The following SCART1 variants were observed in gnomAD, a reference collection of about 807,000 sequenced individuals.
SCART1 encodes the protein scavenger receptor cysteine-rich domain-containing protein SCART1.
SCART1 carries 62 observed loss-of-function variants against 36.2 expected under a neutral mutation model. The observed-to-expected ratio is 1.71, with a 90% CI of 1.40 to 2.12. The LOEUF (loss-of-function observed/expected upper bound fraction) is 2.12. Among genes scored for constraint, SCART1 ranks in the 30% most tolerant of loss-of-function variants. SCART1 has a pLI of 0.00. For missense variants in SCART1, 1,041 were observed against 540.5 expected (o/e 1.93, Z -9.18); for synonymous variants, 487 against 238.7 (o/e 2.04, Z -9.59).
Position 133,459,332 on chromosome 10 carries a change from T to C in SCART1, c.1285+6T>C. On this transcript the variant is annotated splice_donor_region_variant and intron_variant, in intron 5 of 11. Coordinates refer to ENST00000640237, the Ensembl canonical transcript of SCART1. Reference sequence around the variant, plus strand: ...AGCCTCCGCGGTCTGCTCAGGTGGGTGCAGCCAGGACGGTGGACCAGGAGG... The same window carrying C: ...AGCCTCCGCGGTCTGCTCAGGTGGGCGCAGCCAGGACGGTGGACCAGGAGG... The C allele has an allele frequency of 1.6e-6, 1 of 632,406 alleles. No homozygotes were observed. The highest frequency in any genetic ancestry group is 2.9e-6 in the Non-Finnish European group (1 of 348,876). The allele number at this position is 632,406 out of a possible 1,614,324, so 39.2% of individuals were successfully genotyped here. A position where few individuals can be genotyped will look rare whatever the true frequency, so the allele number is the denominator to read the frequency against.
In SCART1 at chr10:133,459,345, G is replaced by A. The variant is rs1411517129; in HGVS notation, c.1285+19G>A. ...TGCTCAGGTGGGTGCAGCCAGGACG[G>A]TGGACCAGGAGGGTGAGTGAGAGGC... On this transcript the variant is annotated intron_variant, in intron 5 of 11. Transcript: ENST00000640237. 6.4e-6 allele frequency: 4 copies of A among 623,854 alleles called. No individual in the cohort carries two copies. Among genetic ancestry groups the A allele is most frequent in the Non-Finnish European group, 8.7e-6 (3 of 345,220 alleles). The allele number at this position is 623,854 out of a possible 1,614,324, so 38.6% of individuals were successfully genotyped here.
intron 10 of SCART1, 85 bp downstream of exon 10, chr10:133,466,466 G>A: frequency 1.5e-6 from 1 of 653,132 alleles, no homozygotes; most frequent in Non-Finnish European, 2.8e-6. Context: ...TGGGGTCTGG[G>A]CAGGCGGGGT....
At position 133,466,273 on chromosome 10, in the gene SCART1, C is replaced by T. The variant is rs533549060; in HGVS notation, c.2698C>T (p.Arg900Trp). Residue 900 changes from arginine to tryptophan, a missense_variant, in exon 10 of 12, where the codon CGG becomes TGG. By Grantham distance (101) the Arg-to-Trp change is moderately radical (BLOSUM62 -3). Coordinates refer to ENST00000640237, the Ensembl canonical transcript of SCART1. ...CCCCCCACTGCCTGCAGCTCCCTTC[C>T]GGACATTCTGGGTGGTCAGTGTCGT... 158 of 703,032 alleles carry T rather than the reference C, an allele frequency of 2.2e-4. No homozygotes were observed. The East Asian group carries it at 4.1e-3, about 18-fold the overall frequency. 43.5% of individuals were successfully genotyped at this position (703,032 alleles called of 1,614,324 possible).
chr10:133,456,612 GGAGGAGGACTGGGAGGACGCA>G lies in SCART1; in HGVS notation c.385+76_385+96del, dbSNP rs576612594. 4,029 of 616,528 alleles carry G rather than the reference GGAGGAGGACTGGGAGGACGCA, an allele frequency of 6.5e-3. 21 individuals are homozygous for G. Among genetic ancestry groups the G allele is most frequent in the East Asian group, 0.011 (393 of 36,494 alleles). 38.2% of individuals were successfully genotyped at this position (616,528 alleles called of 1,614,324 possible). A position where few individuals can be genotyped will look rare whatever the true frequency, so the allele number is the denominator to read the frequency against. On this transcript the variant is annotated intron_variant, in intron 2 of 11. Transcript: ENST00000640237. Reference sequence around the variant, plus strand: ...AGGAGGAGGAGGAGTGGGAGGACGAGGAGGAGGACTGGGAGGACGCAGAGGAGGACTGGGAGGATGGCGGGT... The same window carrying G: ...AGGAGGAGGAGGAGTGGGAGGACGAGGAGGAGGACTGGGAGGATGGCGGGT...
chr10:133,460,176 C>T lies in SCART1; in HGVS notation c.1969+6C>T, dbSNP rs553283715. 3.7e-5 allele frequency: 18 copies of T among 489,718 alleles called. No homozygotes were observed. Among genetic ancestry groups the T allele is most frequent in the South Asian group, 2.5e-4 (7 of 28,510 alleles). The allele number at this position is 489,718 out of a possible 1,614,324, so 30.3% of individuals were successfully genotyped here. A position where few individuals can be genotyped will look rare whatever the true frequency, so the allele number is the denominator to read the frequency against. On this transcript the variant is annotated splice_donor_region_variant and intron_variant, in intron 6 of 11. Transcript: ENST00000640237. ...CGCCGGCGTCTTCTGCTCAGGTGAGCGGCCGTTGGGTATGGAATGATCATG... is the reference window on the plus strand; with the variant it reads ...CGCCGGCGTCTTCTGCTCAGGTGAGTGGCCGTTGGGTATGGAATGATCATG...
intron 4 of SCART1, 84 bp downstream of exon 4, chr10:133,458,740 C>A: frequency 1.5e-6 from 1 of 682,300 alleles, no homozygotes; most frequent in South Asian, 1.6e-5. Flanking sequence ...GTGCCTCTGG[C>A]CAGTAGGTGT....
chr10:133,454,295 G>C (rs1186158591), intron 1 of SCART1, among the ~76,000 whole-genome samples: 1 of 152,198 alleles, frequency 6.6e-6, no homozygotes, highest in Non-Finnish European at 1.5e-5. Flanking sequence ...CCAGGGTTCA[G>C]GGCTGGGTCA....
chr10:133,459,880 A>T, exon 6 of SCART1: 1 of 550,448 alleles, frequency 1.8e-6, no homozygotes, highest in African/African-American at 2.0e-5. Flanking sequence ...CTCCACAGGG[A>T]GCCTCAGGGT....
chr10:133,468,260 T>G (rs950142064), exon 12 of SCART1: 1 of 255,656 alleles, frequency 3.9e-6, no homozygotes, highest in Non-Finnish European at 7.4e-6. Flanking sequence ...TAGAGACACA[T>G]GGTGCCATCT....
exon 12 of SCART1, chr10:133,468,036 G>A: frequency 1.6e-6 from 1 of 623,782 alleles, no homozygotes. Context: ...TTGTACAATT[G>A]TAGTGGATTT....
exon 9 of SCART1, chr10:133,465,416 G>A: frequency 1.7e-6 from 1 of 580,280 alleles, no homozygotes; most frequent in South Asian, 2.1e-5. Context: ...GCCGCCCTGG[G>A]GGCCGCCGCC....
exon 12 of SCART1, chr10:133,468,110 T>C: frequency 1.8e-6 from 1 of 554,872 alleles, no homozygotes; most frequent in Non-Finnish European, 3.3e-6. Context: ...AATCCAGTCC[T>C]TCCAGGCCCT....
intron 5 of SCART1, 30 bp downstream of exon 5, chr10:133,459,356 G>T (rs1472716755): frequency 1.6e-6 from 1 of 620,882 alleles, no homozygotes; most frequent in Admixed American, 2.6e-5. Context: ...TGGACCAGGA[G>T]GGTGAGTGAG....
exon 12 of SCART1, chr10:133,468,278 C>T (rs550879512): frequency 8.9e-6 from 2 of 225,448 alleles, no homozygotes; most frequent in Non-Finnish European, 1.7e-5. Flanking sequence ...TCTTCATCTT[C>T]CGCTCCACAG....
chr10:133,462,601 T>C (rs1175253586), intron 6 of SCART1, among the ~76,000 whole-genome samples: 1 of 152,214 alleles, frequency 6.6e-6, no homozygotes, highest in Non-Finnish European at 1.5e-5. Context: ...GGTGTGTGGC[T>C]CCGACCTCTG....
rs1203328480 is a variant in SCART1 at position 133,459,342 on chromosome 10, A to G, written c.1285+16A>G. ...GTCTGCTCAGGTGGGTGCAGCCAGG[A>G]CGGTGGACCAGGAGGGTGAGTGAGA... is the stretch of plus-strand genomic sequence containing the variant. On this transcript the variant is annotated intron_variant, in intron 5 of 11. Coordinates refer to ENST00000640237, the Ensembl canonical transcript of SCART1. 1 of 624,206 alleles carries G rather than the reference A, an allele frequency of 1.6e-6. No homozygotes were observed. The highest frequency in any genetic ancestry group is 2.7e-5 in the East Asian group (1 of 36,478). The allele number at this position is 624,206 out of a possible 1,614,324, so 38.7% of individuals were successfully genotyped here.
chr10:133,459,315 C>T (rs867905464), exon 5 of SCART1: 6 of 642,570 alleles, frequency 9.3e-6, no homozygotes, highest in South Asian at 8.7e-5. Context: ...ACAGCCTCCG[C>T]GGTCTGCTCA....
intron 6 of SCART1, 89 bp from the exon 7 acceptor site, chr10:133,464,517 G>A: frequency 1.7e-6 from 1 of 604,884 alleles, no homozygotes; most frequent in Non-Finnish European, 2.9e-6. Context: ...TCTCAGTGCT[G>A]GGACCCCTTG....
chr10:133,467,179 C>T lies in SCART1; in HGVS notation c.2807-19C>T, dbSNP rs926029759. ...TCCACACTGAGGGCCTGTGTGTGAC[C>T]ATGCTCACCTTGCCTCAGGTCTGGG... On this transcript the variant is annotated intron_variant, in intron 10 of 11. Coordinates refer to ENST00000640237, the Ensembl canonical transcript of SCART1. 2.5e-5 allele frequency: 17 copies of T among 682,656 alleles called. No homozygotes were observed. The highest frequency in any genetic ancestry group is 4.5e-5 in the Non-Finnish European group (17 of 374,628). 42.3% of individuals were successfully genotyped at this position (682,656 alleles called of 1,614,324 possible).
Sources: gnomAD v4.1 joint callset for allele counts (sites outside exome capture counted in the v4.1 genomes callset) on GRCh38, gnomAD v4.1.1 for gene constraint, MANE v1.5 for transcripts, NCBI Gene and HGNC (gene_info 2026-07-23, HGNC 2026-07-21) for gene names.